SIPA1L3: variants seen among roughly 807,000 people sequenced by gnomAD.
The protein encoded by SIPA1L3 is signal induced proliferation associated 1 like 3, also known as signal-induced proliferation-associated 1-like protein 3.
Under a neutral mutation model 150.1 loss-of-function variants are expected in SIPA1L3, and 59 were observed. That is an observed-to-expected ratio of 0.39 (90% CI 0.32 to 0.49). The LOEUF is 0.49. SIPA1L3 is among the 20% of genes least tolerant of loss of function. The pLI, the probability that SIPA1L3 is intolerant of heterozygous loss-of-function variation, is 0.86. For missense variants in SIPA1L3, 2,211 were observed against 2,489.5 expected, an observed-to-expected ratio of 0.89 and a Z score of 2.38; for synonymous variants, 1,070 against 1,077.6, an observed-to-expected ratio of 0.99 and a Z score of 0.14.
intron 1 of SIPA1L3, among the ~76,000 whole-genome samples, chr19:37,910,920 A>G (rs1345471678): frequency 2.6e-5 from 4 of 152,164 alleles, no homozygotes; most frequent in East Asian, 1.9e-4. Context: ...TTTAAGGACT[A>G]TTTTGGTCAT....
At chr19:37,986,996 C>A (rs561620789) in intron 1 of SIPA1L3, among the ~76,000 whole-genome samples, 3 of 152,046 alleles carry the variant, frequency 2.0e-5, no homozygotes, top group Non-Finnish European at 2.9e-5. Context: ...GGTGCGATCT[C>A]GGCTCACTGC....
chr19:38,135,767 T>G (rs1260960062), intron 10 of SIPA1L3, among the ~76,000 whole-genome samples: 1 of 151,666 alleles, frequency 6.6e-6, no homozygotes, highest in Non-Finnish European at 1.5e-5. Flanking sequence ...AGGACTTGGG[T>G]GGTTTTTGTT....
At chr19:37,993,743 G>A (rs1254605498) in intron 1 of SIPA1L3, among the ~76,000 whole-genome samples, 9 of 152,126 alleles carry the variant, frequency 5.9e-5, no homozygotes, top group Admixed American at 5.2e-4. Context: ...GGAGCGTGTC[G>A]ACCAGGTGTG....
At chr19:38,065,624 G>A (rs1969555520) in intron 2 of SIPA1L3, among the ~76,000 whole-genome samples, 1 of 151,662 alleles carries the variant, frequency 6.6e-6, no homozygotes, top group Non-Finnish European at 1.5e-5. Flanking sequence ...ATTTCACCCT[G>A]TTGGCCAGGC....
chr19:38,117,868 C>T (rs746741849), intron 8 of SIPA1L3, among the ~76,000 whole-genome samples: 1 of 152,044 alleles, frequency 6.6e-6, no homozygotes, highest in Non-Finnish European at 1.5e-5. Flanking sequence ...TCACTGCAAC[C>T]TCCGCCTCCT....
At chr19:38,196,902 T>C (rs1600203276) in intron 18 of SIPA1L3, among the ~76,000 whole-genome samples, 1 of 152,164 alleles carries the variant, frequency 6.6e-6, no homozygotes. Flanking sequence ...CTCACAGATA[T>C]AACCTCTCTG....
intron 1 of SIPA1L3, among the ~76,000 whole-genome samples, chr19:37,959,958 C>T (rs1328975311): frequency 1.3e-5 from 2 of 151,368 alleles, no homozygotes; most frequent in South Asian, 2.1e-4. Context: ...TTTCTTTTCC[C>T]TCTTTTGTGT....
chr19:38,074,476 C>T (rs924863816), intron 2 of SIPA1L3, among the ~76,000 whole-genome samples: 4 of 152,234 alleles, frequency 2.6e-5, no homozygotes, highest in South Asian at 2.1e-4. Context: ...GAAGGCAGAG[C>T]CACAACACAG....
At chr19:38,045,510 T>TGATGACCCCCCGGCAGTGAGGGTCATCAG (rs1239220186) in intron 2 of SIPA1L3, among the ~76,000 whole-genome samples, 9 of 151,872 alleles carry the variant, frequency 5.9e-5, no homozygotes, top group African/African-American at 2.2e-4. Context: ...GGGTCGAGGC[T>TGATGACCCCCCGGCAGTGAGGGTCATCAG]GCAGTGAGCC....
intron 1 of SIPA1L3, among the ~76,000 whole-genome samples, chr19:37,945,883 G>A (rs940421789): frequency 2.6e-5 from 4 of 152,144 alleles, no homozygotes; most frequent in Admixed American, 2.6e-4. Flanking sequence ...GGCTGGGCGT[G>A]GTGGCTCACG....
chr19:38,160,808 G>A (rs547578949), intron 13 of SIPA1L3, among the ~76,000 whole-genome samples: 11 of 152,142 alleles, frequency 7.2e-5, no homozygotes, highest in East Asian at 3.9e-4. Context: ...GCTCAAAGTC[G>A]CATGTAGAGG....
Position 37,923,607 on chromosome 19 carries a change from C to T in SIPA1L3, c.-379+16249C>T, listed in dbSNP as rs963596940. On this transcript the variant is annotated intron_variant, in intron 1 of 21. Transcript: ENST00000222345. ...TGGTGAGTGGATGGGAAAGCTAGGA[C>T]AGTACTGTACACCACTGTAGACTTA... 3.9e-5 allele frequency among the ~76,000 whole-genome samples: 6 copies of T among 152,254 alleles called. No homozygotes were observed. The East Asian group carries it at 1.2e-3, about 29-fold the overall frequency.
intron 15 of SIPA1L3, among the ~76,000 whole-genome samples, chr19:38,177,380 C>A (rs1291423394): frequency 7.2e-6 from 1 of 139,832 alleles, no homozygotes; most frequent in Non-Finnish European, 1.6e-5. Flanking sequence ...AAAAAAAATT[C>A]TAGTTTATTT....
chr19:37,920,270 G>A (rs550503927), intron 1 of SIPA1L3, among the ~76,000 whole-genome samples: 98 of 151,940 alleles, frequency 6.4e-4, no homozygotes, highest in Middle Eastern at 3.4e-3. Flanking sequence ...TGTTGCCCAG[G>A]CCGGTCTTGA....
intron 1 of SIPA1L3, among the ~76,000 whole-genome samples, chr19:37,953,174 A>G (rs2078775928): frequency 6.6e-6 from 1 of 152,218 alleles, no homozygotes; most frequent in Admixed American, 6.5e-5. Context: ...AATCCTATCC[A>G]TAGAGGGGGC....
At chr19:38,049,209 A>T (rs1364531267) in intron 2 of SIPA1L3, among the ~76,000 whole-genome samples, 2 of 152,146 alleles carry the variant, frequency 1.3e-5, no homozygotes, top group Non-Finnish European at 2.9e-5. Flanking sequence ...TTCTCTTTCC[A>T]TCTTCATCCT....
chr19:38,119,397 T>G lies in SIPA1L3; in HGVS notation c.2383T>G (p.Phe795Val). ...TFRKSDVFRD[F>V]LLAKVINAEN... ...CCGCAAATCCGACGTCTTCAGAGAC[T>G]TCTTGCTGGCCAAGGTGATTAACGC... Residue 795 changes from phenylalanine (F) to valine (V), a missense_variant, in exon 9 of 22, where the codon TTC (phenylalanine) becomes GTC (valine). By Grantham distance (50) the Phe-to-Val change is conservative (BLOSUM62 -1). Transcript: ENST00000222345. 6.2e-7 allele frequency: 1 copy of G among 1,614,172 alleles called. No homozygotes were observed. The highest frequency in any genetic ancestry group is 8.5e-7 in the Non-Finnish European group (1 of 1,180,032).
Position 38,195,805 on chromosome 19 carries a change from C to A in SIPA1L3, c.4840+2025C>A, listed in dbSNP as rs955534750. ...ACCACAGGCCCCGTCCCCCCCCGCC[C>A]CCCCGGGTTTCTCTCACCCCCCTCC... On this transcript the variant is annotated intron_variant, in intron 18 of 21. Transcript: ENST00000222345. Among the ~76,000 whole-genome samples the A allele has an allele frequency of 6.1e-5, 8 of 130,752 alleles. 1 individual carries two copies. Among genetic ancestry groups the A allele is most frequent in the East Asian group, 2.2e-4 (1 of 4,550 alleles). 85.8% of individuals were successfully genotyped at this position (130,752 alleles called of 152,430 possible).
intron 1 of SIPA1L3, among the ~76,000 whole-genome samples, chr19:37,959,592 C>T (rs1322667083): frequency 1.3e-5 from 2 of 152,164 alleles, no homozygotes; most frequent in Non-Finnish European, 2.9e-5. Context: ...ATTTTCTAAG[C>T]TCAGGTTGTG....
Sources: gnomAD v4.1 joint callset for allele counts (sites outside exome capture counted in the v4.1 genomes callset) on GRCh38, gnomAD v4.1.1 for gene constraint, MANE v1.5 for transcripts, NCBI Gene and HGNC (gene_info 2026-07-23, HGNC 2026-07-21) for gene names.